Variants in FSTL5 observed in about 807,000 individuals in gnomAD.
FSTL5 encodes the protein follistatin like 5.
In FSTL5, 62 loss-of-function variants were observed where a neutral mutation model predicts 89.1. The ratio of observed to expected loss-of-function variants is 0.70; its 90% CI spans 0.57 to 0.86. The LOEUF (loss-of-function observed/expected upper bound fraction) is 0.86, where lower values mean the gene tolerates loss of function less well. Among genes scored for constraint, FSTL5 ranks in the 40% least tolerant of loss-of-function variants. The pLI is 0.00. For missense variants in FSTL5, 1,057 were observed against 1,001.6 expected, an observed-to-expected ratio of 1.06 and a Z score of -0.75; for synonymous variants, 383 against 346.2, an observed-to-expected ratio of 1.11 and a Z score of -1.18.
intron 1 of FSTL5, among the ~76,000 whole-genome samples, chr4:162,121,265 CT>C (rs35077573): frequency 0.29 from 43,883 of 151,620 alleles, 6,520 homozygotes; most frequent in Middle Eastern, 0.37. Flanking sequence ...AAGGAAATTT[CT>C]TTTAAGTTGC....
intron 1 of FSTL5, among the ~76,000 whole-genome samples, chr4:162,157,370 G>T (rs7689061): frequency 0.52 from 78,314 of 151,796 alleles, 20,515 homozygotes; most frequent in Admixed American, 0.59. Flanking sequence ...CATGGGGTTT[G>T]TGCTGTCACC....
At chr4:161,616,128 C>T (rs1366079906) in intron 7 of FSTL5, among the ~76,000 whole-genome samples, 4 of 151,002 alleles carry the variant, frequency 2.6e-5, no homozygotes, top group Admixed American at 6.6e-5. Flanking sequence ...CTCTTGTCAC[C>T]GAGGCTGTAG....
chr4:161,797,138 T>G (rs1729653545), intron 4 of FSTL5, among the ~76,000 whole-genome samples: 1 of 151,772 alleles, frequency 6.6e-6, no homozygotes, highest in East Asian at 1.9e-4. Context: ...TGGGTCACTA[T>G]GCCTTTCTAT....
intron 15 of FSTL5, among the ~76,000 whole-genome samples, chr4:161,445,823 AG>A: frequency 6.6e-6 from 1 of 152,150 alleles, no homozygotes; most frequent in Non-Finnish European, 1.5e-5. Context: ...CATATCTTAA[AG>A]AACTCTAAAA....
chr4:162,089,158 A>G (rs1334908985), intron 2 of FSTL5, among the ~76,000 whole-genome samples: 18 of 152,116 alleles, frequency 1.2e-4, no homozygotes, highest in Admixed American at 1.3e-4. Context: ...TGATGCAGCA[A>G]GAAGGCACTT....
At chr4:162,102,196 A>G (rs1214807077) in intron 2 of FSTL5, among the ~76,000 whole-genome samples, 1 of 152,090 alleles carries the variant, frequency 6.6e-6, no homozygotes, top group Non-Finnish European at 1.5e-5. Flanking sequence ...TTGGAAGTCC[A>G]ACAGAAAAAA....
chr4:161,592,458 T>C (rs1200226294), intron 7 of FSTL5, among the ~76,000 whole-genome samples: 1 of 151,476 alleles, frequency 6.6e-6, no homozygotes, highest in Non-Finnish European at 1.5e-5. Flanking sequence ...CAATGTGTGA[T>C]GTTCCCTGCC....
At chr4:161,957,873 G>C (rs1735068111) in intron 3 of FSTL5, among the ~76,000 whole-genome samples, 1 of 151,908 alleles carries the variant, frequency 6.6e-6, no homozygotes, top group African/African-American at 2.4e-5. Flanking sequence ...TTGCTTTGGG[G>C]GATGGTTGAG....
At chr4:162,038,588 C>T (rs1363289023) in intron 2 of FSTL5, among the ~76,000 whole-genome samples, 1 of 151,780 alleles carries the variant, frequency 6.6e-6, no homozygotes, top group Non-Finnish European at 1.5e-5. Context: ...ACCAAAGTAC[C>T]ATGTTGCTAG....
intron 12 of FSTL5, among the ~76,000 whole-genome samples, chr4:161,497,682 C>T (rs1730129701): frequency 6.6e-6 from 1 of 151,776 alleles, no homozygotes; most frequent in East Asian, 1.9e-4. Flanking sequence ...GTATATGTTT[C>T]TAGAATAACT....
chr4:162,066,912 T>C (rs1359359046), intron 2 of FSTL5, among the ~76,000 whole-genome samples: 1 of 152,104 alleles, frequency 6.6e-6, no homozygotes, highest in Non-Finnish European at 1.5e-5. Flanking sequence ...TGTGTCTTTA[T>C]AGTAGAATGA....
intron 1 of FSTL5, among the ~76,000 whole-genome samples, chr4:162,146,706 T>C (rs993024792): frequency 3.8e-5 from 4 of 106,158 alleles, no homozygotes; most frequent in Non-Finnish European, 8.0e-5. Flanking sequence ...TTCCCTTCCC[T>C]TCCCCTTCCC....
At chr4:161,489,299 C>A (rs932910688) in intron 12 of FSTL5, among the ~76,000 whole-genome samples, 2 of 151,980 alleles carry the variant, frequency 1.3e-5, no homozygotes, top group Non-Finnish European at 2.9e-5. Context: ...ACAGGAGAGG[C>A]AGGCACTTAA....
Position 161,587,552 on chromosome 4 carries a change from C to A in FSTL5, c.918G>T (p.Leu306Phe), listed in dbSNP as rs759308072. ...GAGTTGTGGTAACCTTAGTAATATA[C>A]AAGGACCCATCATCTCCAAAGTCCT... is the stretch of plus-strand genomic sequence containing the variant. Reference protein sequence around the residue: ...DINDFGDDGSLYITKVTTTHV... With the variant: ...DINDFGDDGSFYITKVTTTHV... The change falls in exon 8 of 16, where the codon TTG becomes TTT. Residue 306 changes from leucine to phenylalanine, a missense_variant. Leu to Phe is a conservative substitution (Grantham distance 22, BLOSUM62 0). Coordinates refer to ENST00000306100, the MANE Select transcript of FSTL5 (RefSeq NM_020116.5). 4.4e-6 allele frequency: 7 copies of A among 1,608,422 alleles called. No homozygotes were observed. The highest frequency in any genetic ancestry group is 6.0e-6 in the Non-Finnish European group (7 of 1,175,798).
intron 3 of FSTL5, among the ~76,000 whole-genome samples, chr4:162,010,941 T>TTA (rs150277867): frequency 0.039 from 5,915 of 152,228 alleles, 184 homozygotes; most frequent in Non-Finnish European, 0.05. Context: ...TTTATTTCTC[T>TTA]TATATATATA....
At chr4:161,920,802 T>A (rs2110863860) in intron 3 of FSTL5, 150 bp from the exon 4 acceptor site, 1 of 685,796 alleles carries the variant, frequency 1.5e-6, no homozygotes, top group East Asian at 2.7e-5. Context: ...CATGCTTATA[T>A]AAATAACTGC....
At chr4:161,498,888 T>C (rs1013257992) in intron 12 of FSTL5, among the ~76,000 whole-genome samples, 3 of 152,096 alleles carry the variant, frequency 2.0e-5, no homozygotes, top group African/African-American at 7.2e-5. Context: ...GACTTAATAA[T>C]GATAACGTTT....
chr4:161,441,544 T>C (rs1037570461), intron 15 of FSTL5, among the ~76,000 whole-genome samples: 7 of 152,084 alleles, frequency 4.6e-5, no homozygotes, highest in African/African-American at 1.7e-4. Flanking sequence ...AATGAAATAT[T>C]TCCTTCAATA....
intron 15 of FSTL5, among the ~76,000 whole-genome samples, chr4:161,409,247 G>A (rs113326901): frequency 2.6e-5 from 4 of 152,166 alleles, no homozygotes; most frequent in African/African-American, 7.2e-5. Context: ...GAAGAGACTG[G>A]GGCCTGTTTT....
Sources: gnomAD v4.1 joint callset for allele counts (sites outside exome capture counted in the v4.1 genomes callset) on GRCh38, gnomAD v4.1.1 for gene constraint, MANE v1.5 for transcripts, NCBI Gene and HGNC (gene_info 2026-07-23, HGNC 2026-07-21) for gene names.